The following DSCAML1 variants were observed in gnomAD, a reference collection of about 807,000 sequenced individuals.
DSCAML1 encodes the protein DS cell adhesion molecule like 1.
DSCAML1 carries 38 observed loss-of-function variants against 200.5 expected under a neutral mutation model. The ratio of observed to expected loss-of-function variants is 0.19; its 90% CI spans 0.15 to 0.25. DSCAML1 has a LOEUF of 0.25. DSCAML1 is among the 10% of genes least tolerant of loss of function. DSCAML1 has a pLI of 1.00. For missense variants in DSCAML1, 2,223 were observed against 2,858.8 expected, an observed-to-expected ratio of 0.78 and a Z score of 5.07; for synonymous variants, 1,215 against 1,165.0, an observed-to-expected ratio of 1.04 and a Z score of -0.87.
At chr11:117,625,554 G>A (rs1205035414) in intron 3 of DSCAML1, among the ~76,000 whole-genome samples, 1 of 152,180 alleles carries the variant, frequency 6.6e-6, no homozygotes, top group African/African-American at 2.4e-5. Context: ...CATGGTCAAG[G>A]CCATCTGTTC....
chr11:117,686,419 G>T (rs940379908), intron 3 of DSCAML1, among the ~76,000 whole-genome samples: 1 of 152,236 alleles, frequency 6.6e-6, no homozygotes, highest in Admixed American at 6.5e-5. Flanking sequence ...AGCAGGCACT[G>T]GGCCTGATCC....
chr11:117,816,202 G>A (rs564284226), intron 1 of DSCAML1, among the ~76,000 whole-genome samples: 1 of 152,308 alleles, frequency 6.6e-6, no homozygotes, highest in Non-Finnish European at 1.5e-5. Context: ...CTGAGTCTGG[G>A]CCCAGGCTTT....
rs777878337 is a variant in DSCAML1 at position 117,437,435 on chromosome 11, G to A, written c.4433-26C>T. The stretch of plus-strand genomic sequence containing the variant: ...CTGGCAGGCCGGAGGGAGAGAGAGA[G>A]GTTAGAGAGATTTGGTGGGAGGCAG... On this transcript the variant is annotated intron_variant, in intron 25 of 32. Transcript: ENST00000651296. The surrounding 1 kb of genome is among the most constrained non-coding windows in gnomAD (Gnocchi z 5.3). 1.2e-6 allele frequency: 2 copies of A among 1,601,290 alleles called. No homozygotes were observed. The highest frequency in any genetic ancestry group is 2.2e-5 in the East Asian group (1 of 44,662).
intron 3 of DSCAML1, among the ~76,000 whole-genome samples, chr11:117,673,493 T>C (rs1248813104): frequency 1.6e-4 from 24 of 152,312 alleles, no homozygotes; most frequent in Non-Finnish European, 1.5e-5. Flanking sequence ...ATGCTCTGCT[T>C]TCCTCAAGAG....
chr11:117,810,970 C>A (rs1042725453), intron 1 of DSCAML1, among the ~76,000 whole-genome samples: 1 of 152,142 alleles, frequency 6.6e-6, no homozygotes, highest in African/African-American at 2.4e-5. Flanking sequence ...CCCCTCCTCG[C>A]CAGACCAAGC....
chr11:117,441,031 A>G lies in DSCAML1; in HGVS notation c.3863-1095T>C, dbSNP rs573495893. Among the ~76,000 whole-genome samples, 6 of 152,066 alleles carry G rather than the reference A, an allele frequency of 3.9e-5. No individual in the cohort carries two copies. In the East Asian group the frequency reaches 1.2e-3, roughly 29 times the overall value. On this transcript the variant is annotated intron_variant, in intron 21 of 32. Coordinates refer to ENST00000651296, the MANE Select transcript of DSCAML1 (RefSeq NM_020693.4). ...GTGGAGGGGGTCCTGGAGGACACAGAACGTGACAGGATGGTGGCCAGAATG... is the reference window on the plus strand; with the variant it reads ...GTGGAGGGGGTCCTGGAGGACACAGGACGTGACAGGATGGTGGCCAGAATG...
chr11:117,528,916 A>G (rs1235861519), intron 4 of DSCAML1, among the ~76,000 whole-genome samples: 2 of 151,526 alleles, frequency 1.3e-5, no homozygotes, highest in African/African-American at 4.9e-5. Context: ...CAGAAAAATG[A>G]AAGTTGCCGC....
chr11:117,535,189 G>A (rs1463198921), intron 3 of DSCAML1, among the ~76,000 whole-genome samples: 1 of 152,156 alleles, frequency 6.6e-6, no homozygotes, highest in Non-Finnish European at 1.5e-5. Flanking sequence ...TGGGAGGAGG[G>A]AGGCACCCCC....
intron 14 of DSCAML1, 72 bp from the exon 15 acceptor site, chr11:117,472,108 G>C: frequency 6.4e-7 from 1 of 1,562,948 alleles, no homozygotes; most frequent in Non-Finnish European, 8.7e-7. Context: ...TGAAGTACCA[G>C]TACAACCCAA....
At chr11:117,661,043 C>T (rs1309577288) in intron 3 of DSCAML1, among the ~76,000 whole-genome samples, 1 of 152,174 alleles carries the variant, frequency 6.6e-6, no homozygotes, top group Non-Finnish European at 1.5e-5. Context: ...ATCTTGAGCA[C>T]CAGTCCTTTG....
At chr11:117,645,411 G>C (rs2052502299) in intron 3 of DSCAML1, among the ~76,000 whole-genome samples, 2 of 152,108 alleles carry the variant, frequency 1.3e-5, no homozygotes, top group African/African-American at 4.8e-5. Flanking sequence ...GGAACCATGA[G>C]AGCCCAACTT....
chr11:117,716,174 G>T (rs900518765), intron 3 of DSCAML1, among the ~76,000 whole-genome samples: 1 of 152,250 alleles, frequency 6.6e-6, no homozygotes, highest in Non-Finnish European at 1.5e-5. Context: ...CCAACAGCCC[G>T]GAGCGAGGAG....
intron 11 of DSCAML1, among the ~76,000 whole-genome samples, chr11:117,484,740 A>C (rs2049002410): frequency 6.6e-6 from 1 of 152,136 alleles, no homozygotes; most frequent in African/African-American, 2.4e-5. Context: ...TCCATTTTTT[A>C]CTGGAGAATT....
At chr11:117,624,439 T>C (rs1410930439) in intron 3 of DSCAML1, among the ~76,000 whole-genome samples, 1 of 152,126 alleles carries the variant, frequency 6.6e-6, no homozygotes, top group Non-Finnish European at 1.5e-5. Flanking sequence ...TAAATAAGCT[T>C]TGAGGGGGCG....
rs748323151 is a variant in DSCAML1, at chr11:117,525,071, G to A, written c.671C>T (p.Ser224Leu). 11 of 1,561,820 alleles carry A rather than the reference G, an allele frequency of 7.0e-6. No homozygotes were observed. The highest frequency in any genetic ancestry group is 2.4e-5 in the East Asian group (1 of 42,138). Residue 224 changes from serine to leucine, a missense_variant, in exon 5 of 33, where the codon TCG (serine) becomes TTG (leucine). Transcript: ENST00000651296. ...GAAGCCATCCAGGATGGTGGGGATC[G>A]ACTCAGCAGGGTCTGGAAGGCAGAG... is the stretch of plus-strand genomic sequence containing the variant. ...ARLSVTDPAE[S>L]IPTILDGFHS...
In DSCAML1 at chr11:117,505,462, A is replaced by G; in HGVS notation, c.2054T>C (p.Ile685Thr). ...AATVSRERQL[I>T]VRVPPRFVVQ... is the part of the protein sequence containing the mutation. ...GGCCTGTCCCTGCTCACCACGCACGATGAGCTGGCGCTCCCGGCTCACGGT... is the reference window on the plus strand; with the variant it reads ...GGCCTGTCCCTGCTCACCACGCACGGTGAGCTGGCGCTCCCGGCTCACGGT... The change falls in exon 9 of 33, where the codon ATC becomes ACC. Residue 685 changes from isoleucine (I) to threonine (T), a missense_variant. Transcript: ENST00000651296. The surrounding 1 kb of genome is among the most constrained non-coding windows in gnomAD (Gnocchi z 6.7). The G allele has an allele frequency of 6.2e-7, 1 of 1,610,444 alleles. No individual in the cohort carries two copies. Among genetic ancestry groups the G allele is most frequent in the African/African-American group, 1.3e-5 (1 of 75,004 alleles).
At chr11:117,574,618 C>T (rs2050901244) in intron 3 of DSCAML1, among the ~76,000 whole-genome samples, 1 of 152,152 alleles carries the variant, frequency 6.6e-6, no homozygotes, top group African/African-American at 2.4e-5. Context: ...CTGAGAGCAG[C>T]TCCAAGTGTG....
At position 117,516,370 on chromosome 11, in the gene DSCAML1, A is replaced by T; in HGVS notation, c.1783+97T>A. On this transcript the variant is annotated intron_variant, in intron 8 of 32. Coordinates refer to ENST00000651296, the MANE Select transcript of DSCAML1 (RefSeq NM_020693.4). The surrounding 1 kb of genome is among the most constrained non-coding windows in gnomAD (Gnocchi z 5.7). ...CTCTTGCTCAGCCTTCCGTTCACCC[A>T]GGATTGCCTATTGTTGTCTGAGTCC... is the stretch of plus-strand genomic sequence containing the variant. 4 of 1,463,036 alleles carry T rather than the reference A, an allele frequency of 2.7e-6. No individual in the cohort carries two copies. The South Asian group carries it at 5.4e-5, about 20-fold the overall frequency. 90.6% of individuals were successfully genotyped at this position (1,463,036 alleles called of 1,614,324 possible). A position where few individuals can be genotyped will look rare whatever the true frequency, so the allele number is the denominator to read the frequency against.
At chr11:117,597,686 C>A (rs2051387844) in intron 3 of DSCAML1, among the ~76,000 whole-genome samples, 1 of 152,082 alleles carries the variant, frequency 6.6e-6, no homozygotes, top group South Asian at 2.1e-4. Context: ...CAACTCCTGA[C>A]CTCAAGTGAT....
Sources: allele counts gnomAD v4.1 joint callset (sites outside exome capture counted in the v4.1 genomes callset), GRCh38; gene constraint gnomAD v4.1.1; non-coding constraint Gnocchi (gnomAD v3.1); transcripts MANE v1.5; gene names NCBI Gene and HGNC (gene_info 2026-07-23, HGNC 2026-07-21).